Variants in LMO7 observed in about 807,000 individuals in gnomAD.
LMO7 encodes the protein LIM domain only protein 7.
In LMO7, 120 loss-of-function variants were observed where a neutral mutation model predicts 206.5. The observed-to-expected ratio is 0.58, with a 90% confidence interval of 0.50 to 0.68. The LOEUF is 0.68. Ranked by LOEUF, LMO7 falls within the 30% of genes least tolerant of loss-of-function variation. The pLI is 0.00. For synonymous variants in LMO7, 706 were observed against 681.5 expected (o/e 1.04, Z -0.56); for missense variants, 1,959 against 1,957.9 (o/e 1.00, Z -0.01).
chr13:75,746,547 T>G (rs1194797010), intron 3 of LMO7, among the ~76,000 whole-genome samples: 2 of 152,194 alleles, frequency 1.3e-5, no homozygotes, highest in African/African-American at 4.8e-5. Context: ...CAACATTTAT[T>G]TATACTGAGA....
At chr13:75,750,367 CT>C (rs1462423710) in intron 3 of LMO7, among the ~76,000 whole-genome samples, 3 of 144,300 alleles carry the variant, frequency 2.1e-5, no homozygotes, top group Admixed American at 1.5e-4. Flanking sequence ...TTCAGTTCAC[CT>C]GGGGGATCCT....
At position 75,814,015 on chromosome 13, in the gene LMO7, C is replaced by T. The variant is rs574830157; in HGVS notation, c.1947-3146C>T. Among the ~76,000 whole-genome samples, 5 of 152,246 alleles carry T rather than the reference C, an allele frequency of 3.3e-5. No homozygotes were observed. The South Asian group carries it at 6.2e-4, about 19-fold the overall frequency. The stretch of plus-strand genomic sequence containing the variant: ...GCCTCATTCTTCATAGTATGACTTA[C>T]GTGAATCTATATTCTCAAATTCACA... On this transcript the variant is annotated intron_variant, in intron 11 of 30. Transcript: ENST00000377534.
chr13:75,850,118 TA>T (rs1169024750), intron 27 of LMO7, among the ~76,000 whole-genome samples: 1 of 151,420 alleles, frequency 6.6e-6, no homozygotes, highest in Non-Finnish European at 1.5e-5. Flanking sequence ...AGACTCTGTA[TA>T]AAAAAAGAAA....
chr13:75,802,137 C>T (rs562626414), intron 7 of LMO7, among the ~76,000 whole-genome samples: 4 of 152,266 alleles, frequency 2.6e-5, no homozygotes, highest in African/African-American at 9.6e-5. Context: ...ATACAACATG[C>T]TATGAATTTG....
upstream of LMO7, among the ~76,000 whole-genome samples, chr13:75,634,741 AAAAC>A (rs200614156): frequency 3.3e-5 from 5 of 151,930 alleles, no homozygotes; most frequent in South Asian, 2.1e-4. Context: ...AGACTCCTCA[AAAAC>A]AAACAAACAA....
chr13:75,773,548 G>A (rs2050011519), intron 4 of LMO7, among the ~76,000 whole-genome samples: 1 of 152,110 alleles, frequency 6.6e-6, no homozygotes, highest in Middle Eastern at 3.2e-3. Flanking sequence ...GCAGTGAACA[G>A]GTAGATGAAG....
At chr13:75,824,676 A>G (rs750487525) in intron 15 of LMO7, among the ~76,000 whole-genome samples, 5 of 152,148 alleles carry the variant, frequency 3.3e-5, no homozygotes, top group Non-Finnish European at 1.5e-5. Flanking sequence ...TGATAGTTGT[A>G]TGAACCCCTT....
intron 4 of LMO7, among the ~76,000 whole-genome samples, chr13:75,777,300 A>G (rs1255144991): frequency 1.3e-5 from 2 of 152,254 alleles, no homozygotes; most frequent in Admixed American, 6.5e-5. Flanking sequence ...CTTAAATTTT[A>G]AAGACAACTT....
chr13:75,647,853 C>T (rs192666710), intron 1 of LMO7, among the ~76,000 whole-genome samples: 2 of 151,716 alleles, frequency 1.3e-5, no homozygotes, highest in Non-Finnish European at 2.9e-5. Flanking sequence ...AGGGTGGAGG[C>T]TTTCAAAAGG....
At chr13:75,699,609 T>G (rs2042139943) in intron 1 of LMO7, among the ~76,000 whole-genome samples, 1 of 138,990 alleles carries the variant, frequency 7.2e-6, no homozygotes, top group African/African-American at 2.5e-5. Flanking sequence ...ATTAGGGGTT[T>G]CAAAAGGGGA....
intron 1 of LMO7, among the ~76,000 whole-genome samples, chr13:75,651,882 C>T (rs1383984561): frequency 6.6e-6 from 1 of 152,090 alleles, no homozygotes; most frequent in Non-Finnish European, 1.5e-5. Flanking sequence ...GGATAACTTT[C>T]TTGAAAGCCC....
chr13:75,621,776 G>C, exon 1 of LMO7: 1 of 1,613,396 alleles, frequency 6.2e-7, no homozygotes, highest in South Asian at 1.1e-5. Flanking sequence ...ACAGAGCTCG[G>C]AGCTCTGGAA....
intron 3 of LMO7, among the ~76,000 whole-genome samples, chr13:75,744,675 C>G (rs2046686157): frequency 1.3e-5 from 2 of 152,168 alleles, no homozygotes. Context: ...TATCTTAGGC[C>G]CATGACTGTG....
intron 1 of LMO7, among the ~76,000 whole-genome samples, chr13:75,698,562 T>TA: frequency 6.6e-6 from 1 of 152,118 alleles, no homozygotes; most frequent in East Asian, 1.9e-4. Context: ...GTGCTGGAAT[T>TA]ACAGATGTGA....
Position 75,649,624 on chromosome 13 carries a change from A to C in LMO7, c.69+12898A>C, listed in dbSNP as rs897850491. 2.6e-5 allele frequency among the ~76,000 whole-genome samples: 4 copies of C among 152,316 alleles called. No individual in the cohort carries two copies. The East Asian group carries it at 5.8e-4, about 22-fold the overall frequency. ...TTTAGTGTAGAGGGGCAGGTACTCC[A>C]TGAAGGAAGAGGTCAGAAGAGCTAT... On this transcript the variant is annotated intron_variant, in intron 1 of 30. Coordinates refer to ENST00000377534, the MANE Select transcript of LMO7 (RefSeq NM_001306080.2).
At chr13:75,732,719 A>T (rs1332140510) in intron 3 of LMO7, among the ~76,000 whole-genome samples, 4 of 151,832 alleles carry the variant, frequency 2.6e-5, no homozygotes, top group Non-Finnish European at 5.9e-5. Context: ...TAGAGTTTCC[A>T]GTTTTTCTGC....
At chr13:75,763,144 G>T (rs1387487859) in intron 4 of LMO7, among the ~76,000 whole-genome samples, 4 of 152,144 alleles carry the variant, frequency 2.6e-5, no homozygotes, top group Non-Finnish European at 5.9e-5. Flanking sequence ...ACTGGGGGCA[G>T]TTTTGCCAAC....
In LMO7 at chr13:75,804,271, C is replaced by A; in HGVS notation, c.662-18C>A. 1 of 1,605,212 alleles carries A rather than the reference C, an allele frequency of 6.2e-7. No homozygotes were observed. The highest frequency in any genetic ancestry group is 8.5e-7 in the Non-Finnish European group (1 of 1,174,214). On this transcript the variant is annotated intron_variant, in intron 7 of 30. Coordinates refer to ENST00000377534, the MANE Select transcript of LMO7 (RefSeq NM_001306080.2). Reference sequence around the variant, plus strand: ...AATAATCTGGAGAGTAAAGCAAATTCTTGTGCCTTCTTTATAGGTTTTGAA... The same window carrying A: ...AATAATCTGGAGAGTAAAGCAAATTATTGTGCCTTCTTTATAGGTTTTGAA...
Position 75,679,135 on chromosome 13 carries a change from T to C in LMO7, c.70-34047T>C, listed in dbSNP as rs564884983. 3.3e-5 allele frequency among the ~76,000 whole-genome samples: 5 copies of C among 152,316 alleles called. No homozygotes were observed. In the South Asian group the frequency reaches 1.0e-3, roughly 32 times the overall value. ...CACAGAATATTTCATTCAGAACACA[T>C]ATATAGAGCACCTTGTATATAAGAA... On this transcript the variant is annotated intron_variant, in intron 1 of 30. Coordinates refer to ENST00000377534, the MANE Select transcript of LMO7 (RefSeq NM_001306080.2).
Sources: gnomAD v4.1 joint callset for allele counts (sites outside exome capture counted in the v4.1 genomes callset) on GRCh38, gnomAD v4.1.1 for gene constraint, MANE v1.5 for transcripts, NCBI Gene and HGNC (gene_info 2026-07-23, HGNC 2026-07-21) for gene names.